Variants in SLIT2 observed in about 807,000 individuals in gnomAD.
SLIT2 encodes slit guidance ligand 2.
SLIT2 carries 41 observed loss-of-function variants against 185.7 expected under a neutral mutation model. That is an observed-to-expected ratio of 0.22 (90% CI 0.17 to 0.29). SLIT2 has a LOEUF of 0.29. Among genes scored for constraint, SLIT2 ranks in the 10% least tolerant of loss-of-function variants. The pLI, the probability that SLIT2 is intolerant of heterozygous loss-of-function variation, is 1.00. For synonymous variants in SLIT2, 693 were observed against 680.2 expected, an observed-to-expected ratio of 1.02 and a Z score of -0.29; for missense variants, 1,571 against 1,909.0, an observed-to-expected ratio of 0.82 and a Z score of 3.30.
At chr4:20,434,498 AAAG>A (rs929588969) in intron 4 of SLIT2, among the ~76,000 whole-genome samples, 3 of 152,194 alleles carry the variant, frequency 2.0e-5, no homozygotes, top group East Asian at 1.9e-4. Flanking sequence ...AAAAAAAGAA[AAAG>A]AAGAAGAAAA....
chr4:20,563,137 T>G (rs748361707), intron 26 of SLIT2, among the ~76,000 whole-genome samples: 2 of 151,734 alleles, frequency 1.3e-5, no homozygotes, highest in Non-Finnish European at 2.9e-5. Flanking sequence ...AACCAAACTT[T>G]CTTCTCATTT....
At chr4:20,509,162 CAT>C (rs562214729) in intron 9 of SLIT2, among the ~76,000 whole-genome samples, 1 of 150,598 alleles carries the variant, frequency 6.6e-6, no homozygotes, top group Non-Finnish European at 1.5e-5. Context: ...TGTATACATA[CAT>C]ATATATATAA....
At chr4:20,500,513 T>C (rs571114318) in intron 9 of SLIT2, among the ~76,000 whole-genome samples, 3 of 152,286 alleles carry the variant, frequency 2.0e-5, no homozygotes, top group South Asian at 2.1e-4. Context: ...GGCAAGCTAA[T>C]ATGAAAACAC....
At chr4:20,447,739 T>C (rs1333505923) in intron 4 of SLIT2, among the ~76,000 whole-genome samples, 1 of 152,086 alleles carries the variant, frequency 6.6e-6, no homozygotes, top group Admixed American at 6.5e-5. Flanking sequence ...AGAAAAAAAG[T>C]AAAACCTAAA....
chr4:20,531,446 G>A (rs766888834), intron 16 of SLIT2, among the ~76,000 whole-genome samples: 1 of 152,174 alleles, frequency 6.6e-6, no homozygotes, highest in African/African-American at 2.4e-5. Flanking sequence ...GTAACCTAGT[G>A]GTTGCCAAGG....
At chr4:20,290,000 A>C (rs533173064) in intron 4 of SLIT2, among the ~76,000 whole-genome samples, 2 of 152,232 alleles carry the variant, frequency 1.3e-5, no homozygotes, top group Admixed American at 1.3e-4. Context: ...GCCTCCCTCT[A>C]CACCGCCACA....
In SLIT2 at chr4:20,254,281, A is replaced by G. The variant is rs1711524006; in HGVS notation, c.179+287A>G. ...TTCTCTGGGGCTGGGGAGCGGGTAG[A>G]TAGGGGACAAGTACTGGAGGATGCC... On this transcript the variant is annotated intron_variant, in intron 1 of 36. Transcript: ENST00000504154. This position sits in a 1 kb window ranked among gnomAD's most constrained non-coding sequence, Gnocchi z 5.1. 6.6e-6 allele frequency among the ~76,000 whole-genome samples: 1 copy of G among 152,122 alleles called. No individual in the cohort carries two copies. Among genetic ancestry groups the G allele is most frequent in the African/African-American group, 2.4e-5 (1 of 41,416 alleles).
At chr4:20,535,475 C>A (rs1722185511) in intron 18 of SLIT2, among the ~76,000 whole-genome samples, 3 of 151,988 alleles carry the variant, frequency 2.0e-5, no homozygotes, top group South Asian at 2.1e-4. Context: ...GATACTGGAA[C>A]CTTCTCCTGG....
At chr4:20,375,965 G>A (rs73238764) in intron 4 of SLIT2, among the ~76,000 whole-genome samples, 31,625 of 151,470 alleles carry the variant, frequency 0.21, 3,668 homozygotes, top group Non-Finnish European at 0.28. Flanking sequence ...ACCAAATTTA[G>A]CATTTTATAA....
At chr4:20,428,824 G>A (rs1728752348) in intron 4 of SLIT2, among the ~76,000 whole-genome samples, 1 of 152,114 alleles carries the variant, frequency 6.6e-6, no homozygotes, top group Non-Finnish European at 1.5e-5. Flanking sequence ...ATTTTAAATG[G>A]GAAATTGCTG....
At position 20,412,001 on chromosome 4, in the gene SLIT2, T is replaced by C. The variant is rs558386179; in HGVS notation, c.396-55751T>C. Among the ~76,000 whole-genome samples the C allele has an allele frequency of 5.9e-5, 9 of 152,148 alleles. 1 individual carries two copies. Among genetic ancestry groups the C allele is most frequent in the African/African-American group, 1.7e-4 (7 of 41,530 alleles). ...TAATGTTCTTTCATACAACTGAGAG[T>C]TGTGAGAAACCATCATTAATATTCT... On this transcript the variant is annotated intron_variant, in intron 4 of 36. Coordinates refer to ENST00000504154, the MANE Select transcript of SLIT2 (RefSeq NM_004787.4).
chr4:20,341,502 T>A (rs1720961575), intron 4 of SLIT2, among the ~76,000 whole-genome samples: 1 of 152,180 alleles, frequency 6.6e-6, no homozygotes, highest in East Asian at 1.9e-4. Flanking sequence ...CCGCAAGACA[T>A]TTGTCATTCC....
chr4:20,355,495 T>C (rs1213847927), intron 4 of SLIT2, among the ~76,000 whole-genome samples: 2 of 152,180 alleles, frequency 1.3e-5, no homozygotes, highest in African/African-American at 4.8e-5. Flanking sequence ...TTGTTTTCCA[T>C]TTCAAGGTGT....
At chr4:20,345,545 T>G (rs967200543) in intron 4 of SLIT2, among the ~76,000 whole-genome samples, 3 of 130,166 alleles carry the variant, frequency 2.3e-5, no homozygotes, top group African/African-American at 1.0e-4. Flanking sequence ...TTCTTTTTTC[T>G]TTTTTTTTGA....
Position 20,548,478 on chromosome 4 carries a change from T to C in SLIT2, c.2346-10T>C. The C allele has an allele frequency of 2.7e-6, 4 of 1,499,060 alleles. No homozygotes were observed. Among genetic ancestry groups the C allele is most frequent in the Non-Finnish European group, 3.7e-6 (4 of 1,076,478 alleles). 92.9% of individuals were successfully genotyped at this position (1,499,060 alleles called of 1,614,324 possible). On this transcript the variant is annotated splice_polypyrimidine_tract_variant and intron_variant, in intron 22 of 36. Transcript: ENST00000504154. ...GTTAATAGTGTACTCCATTTCTTTT[T>C]CTCTTTTAGAGACTTAAGTAACAAC...
intron 4 of SLIT2, among the ~76,000 whole-genome samples, chr4:20,280,836 T>G (rs1462733473): frequency 2.6e-5 from 4 of 150,966 alleles, no homozygotes; most frequent in East Asian, 1.9e-4. Flanking sequence ...AAAAAATGTT[T>G]TTTTTTTTTT....
intron 4 of SLIT2, among the ~76,000 whole-genome samples, chr4:20,360,131 A>T (rs1722625535): frequency 6.6e-6 from 1 of 152,196 alleles, no homozygotes; most frequent in Non-Finnish European, 1.5e-5. Flanking sequence ...AAAGATACAT[A>T]GGGATAGGAA....
At chr4:20,384,254 G>T (rs1724762074) in intron 4 of SLIT2, among the ~76,000 whole-genome samples, 2 of 152,114 alleles carry the variant, frequency 1.3e-5, no homozygotes, top group Non-Finnish European at 2.9e-5. Flanking sequence ...AAAGCATTAT[G>T]TTATGTGAAA....
rs147886887 is a variant in SLIT2, at chr4:20,394,102, C to T, written c.396-73650C>T. 3.8e-4 allele frequency among the ~76,000 whole-genome samples: 58 copies of T among 151,860 alleles called. No individual in the cohort carries two copies. The East Asian group carries it at 0.01, about 27-fold the overall frequency. On this transcript the variant is annotated intron_variant, in intron 4 of 36. Transcript: ENST00000504154. Reference sequence around the variant, plus strand: ...AGTAAAAGAATATTTGGTGGCTGAACTAGGAAGTGTGAGAACCTCCATCAT... The same window carrying T: ...AGTAAAAGAATATTTGGTGGCTGAATTAGGAAGTGTGAGAACCTCCATCAT...
Sources: gnomAD v4.1 joint callset for allele counts (sites outside exome capture counted in the v4.1 genomes callset) on GRCh38, gnomAD v4.1.1 for gene constraint, Gnocchi (gnomAD v3.1) non-coding constraint, MANE v1.5 for transcripts, NCBI Gene and HGNC (gene_info 2026-07-23, HGNC 2026-07-21) for gene names.